Variants in DSCAM observed in about 807,000 individuals in gnomAD.
DSCAM encodes the protein DS cell adhesion molecule.
DSCAM carries 47 observed loss-of-function variants against 217.7 expected under a neutral mutation model. That is an observed-to-expected ratio of 0.22 (90% CI 0.17 to 0.28). The LOEUF is 0.28. Among genes scored for constraint, DSCAM ranks in the 10% least tolerant of loss-of-function variants. The pLI is 1.00. For synonymous variants in DSCAM, 1,056 were observed against 1,015.3 expected, an observed-to-expected ratio of 1.04 and a Z score of -0.76; for missense variants, 2,080 against 2,618.3, an observed-to-expected ratio of 0.79 and a Z score of 4.49.
intron 4 of DSCAM, among the ~76,000 whole-genome samples, chr21:40,354,618 G>T (rs1208846342): frequency 2.0e-5 from 3 of 152,030 alleles, no homozygotes; most frequent in Non-Finnish European, 4.4e-5. Flanking sequence ...GGGAGGCCAA[G>T]GCAGGCAGAT....
chr21:40,489,574 A>G (rs1398434659), intron 3 of DSCAM, among the ~76,000 whole-genome samples: 1 of 151,944 alleles, frequency 6.6e-6, no homozygotes, highest in African/African-American at 2.4e-5. Flanking sequence ...GGAGATCGAG[A>G]CCATCCCGGC....
chr21:40,127,180 C>T (rs1325397774), intron 19 of DSCAM, among the ~76,000 whole-genome samples: 2 of 152,098 alleles, frequency 1.3e-5, no homozygotes, highest in African/African-American at 4.8e-5. Flanking sequence ...GTTCTCTGTA[C>T]AGTAAGCACC....
chr21:40,463,871 G>C (rs1339104292), intron 3 of DSCAM, among the ~76,000 whole-genome samples: 1 of 152,106 alleles, frequency 6.6e-6, no homozygotes, highest in African/African-American at 2.4e-5. Context: ...TACTTCACTA[G>C]AAAGCACCTC....
chr21:40,220,604 C>T (rs2091281657), intron 11 of DSCAM, among the ~76,000 whole-genome samples: 1 of 152,196 alleles, frequency 6.6e-6, no homozygotes, highest in Admixed American at 6.5e-5. Context: ...ATGATAAACT[C>T]TAACACTGTA....
intron 11 of DSCAM, among the ~76,000 whole-genome samples, chr21:40,260,601 T>G (rs2146978220): frequency 6.6e-6 from 1 of 152,332 alleles, no homozygotes; most frequent in Non-Finnish European, 1.5e-5. Flanking sequence ...AACCAGGCAC[T>G]TGCATTCTAC....
chr21:40,209,755 G>A (rs541601676), intron 11 of DSCAM, among the ~76,000 whole-genome samples: 1 of 152,182 alleles, frequency 6.6e-6, no homozygotes, highest in East Asian at 1.9e-4. Context: ...CTAGGCCCGT[G>A]ACCATCAGCT....
intron 1 of DSCAM, among the ~76,000 whole-genome samples, chr21:40,821,568 T>C (rs1002778600): frequency 6.6e-6 from 1 of 152,212 alleles, no homozygotes; most frequent in Non-Finnish European, 1.5e-5. Flanking sequence ...TCTATGTTTA[T>C]ATTTAACATT....
chr21:40,194,887 C>T (rs912496207), intron 11 of DSCAM, among the ~76,000 whole-genome samples: 1 of 152,180 alleles, frequency 6.6e-6, no homozygotes, highest in South Asian at 2.1e-4. Flanking sequence ...TTGGCGAGTG[C>T]TAGAAATCAC....
At chr21:40,073,878 G>A (rs1387022910) in intron 27 of DSCAM, among the ~76,000 whole-genome samples, 1 of 152,200 alleles carries the variant, frequency 6.6e-6, no homozygotes, top group Non-Finnish European at 1.5e-5. Flanking sequence ...CAAGGAGACT[G>A]ATGGCTGACC....
rs879472395 is a variant in DSCAM, at chr21:40,379,141, T to C, written c.509-9896A>G. Among the ~76,000 whole-genome samples the C allele has an allele frequency of 9.2e-5, 14 of 152,340 alleles. No homozygotes were observed. In the East Asian group the frequency reaches 9.7e-4, roughly 11 times the overall value. On this transcript the variant is annotated intron_variant, in intron 3 of 32. Transcript: ENST00000400454. ...ACAGAGAGGCCTGGATCAGCAGATATCTGCCCAAATGTTAACTGTGGTTGC... is the reference window on the plus strand; with the variant it reads ...ACAGAGAGGCCTGGATCAGCAGATACCTGCCCAAATGTTAACTGTGGTTGC...
intron 3 of DSCAM, among the ~76,000 whole-genome samples, chr21:40,664,819 A>T (rs1256940864): frequency 6.6e-6 from 1 of 152,104 alleles, no homozygotes; most frequent in Non-Finnish European, 1.5e-5. Flanking sequence ...GTCCCCTCCA[A>T]ATCTCATGTG....
intron 3 of DSCAM, among the ~76,000 whole-genome samples, chr21:40,445,853 C>T (rs1002873442): frequency 1.3e-5 from 2 of 152,182 alleles, no homozygotes; most frequent in Admixed American, 6.5e-5. Context: ...TCTCTAATGA[C>T]TTGGATTTTA....
intron 8 of DSCAM, among the ~76,000 whole-genome samples, chr21:40,314,082 G>C (rs527790361): frequency 6.6e-6 from 1 of 152,310 alleles, no homozygotes; most frequent in South Asian, 2.1e-4. Context: ...AGCAGTGAAC[G>C]TGCTGGGCAC....
intron 11 of DSCAM, among the ~76,000 whole-genome samples, chr21:40,209,542 G>C (rs1408292211): frequency 6.6e-6 from 1 of 152,090 alleles, no homozygotes. Flanking sequence ...GGTCAGCCAG[G>C]TACTTCCATT....
At chr21:40,623,880 A>T (rs138923881) in intron 3 of DSCAM, among the ~76,000 whole-genome samples, 2 of 152,244 alleles carry the variant, frequency 1.3e-5, no homozygotes, top group East Asian at 1.9e-4. Context: ...AAGCTTACCC[A>T]TATCTGATTT....
chr21:40,260,866 A>G (rs1423757915), intron 11 of DSCAM, among the ~76,000 whole-genome samples: 1 of 152,234 alleles, frequency 6.6e-6, no homozygotes, highest in Non-Finnish European at 1.5e-5. Flanking sequence ...GATAATAATG[A>G]AACTAGAGAT....
intron 3 of DSCAM, among the ~76,000 whole-genome samples, chr21:40,663,288 TGTGTGTG>T (rs1568970642): frequency 6.6e-6 from 1 of 150,832 alleles, no homozygotes; most frequent in African/African-American, 2.4e-5. Context: ...TATATGTGTG[TGTGTGTG>T]GTGTGTGTGG....
intron 8 of DSCAM, among the ~76,000 whole-genome samples, chr21:40,315,724 C>G (rs2074189366): frequency 6.6e-6 from 1 of 152,156 alleles, no homozygotes; most frequent in African/African-American, 2.4e-5. Context: ...AAACCAGTGT[C>G]AGAAAGCTAA....
intron 11 of DSCAM, among the ~76,000 whole-genome samples, chr21:40,240,267 C>T (rs1397760294): frequency 6.6e-6 from 1 of 150,680 alleles, no homozygotes; most frequent in African/African-American, 2.5e-5. Flanking sequence ...GGACCTCCAC[C>T]TTTCCTTTCT....
Sources: gnomAD v4.1 joint callset for allele counts (sites outside exome capture counted in the v4.1 genomes callset) on GRCh38, gnomAD v4.1.1 for gene constraint, MANE v1.5 for transcripts, NCBI Gene and HGNC (gene_info 2026-07-23, HGNC 2026-07-21) for gene names.